The following SERPINA11 variants were observed in gnomAD, a reference collection of about 807,000 sequenced individuals.
SERPINA11 encodes serpin family A member 11.
Under a neutral mutation model 29.4 loss-of-function variants are expected in SERPINA11, and 28 were observed. That is an observed-to-expected ratio of 0.95 (90% confidence interval 0.70 to 1.30). The LOEUF is 1.30. SERPINA11 is among the 50% of genes most tolerant of loss of function. SERPINA11 has a pLI of 0.00. For missense variants in SERPINA11, 530 were observed against 507.3 expected (o/e 1.04, Z -0.43); for synonymous variants, 253 against 206.6 (o/e 1.22, Z -1.92).
chr14:94,446,301 C>A, intron 3 of SERPINA11, 30 bp downstream of exon 3: 2 of 1,594,804 alleles, frequency 1.3e-6, no homozygotes, highest in South Asian at 2.3e-5. Context: ...TGAGCAAGGT[C>A]AGCCAGCATC....
intron 1 of SERPINA11, among the ~76,000 whole-genome samples, chr14:94,449,157 G>T (rs951788458): frequency 6.6e-6 from 1 of 152,002 alleles, no homozygotes; most frequent in African/African-American, 2.4e-5. Flanking sequence ...TTGAGACCAG[G>T]CTGGGCAACA....
intron 3 of SERPINA11, among the ~76,000 whole-genome samples, chr14:94,444,577 T>C (rs1898402609): frequency 6.6e-6 from 1 of 152,138 alleles, no homozygotes; most frequent in South Asian, 2.1e-4. Context: ...AGCCAGGGAC[T>C]ATGGGGCTGA....
In SERPINA11 at chr14:94,448,892, G is replaced by A. The variant is rs150560823; in HGVS notation, c.-3-115C>T. The A allele has an allele frequency of 8.9e-4, 839 of 947,260 alleles. 7 individuals are homozygous for A. The East Asian group carries it at 0.02, about 22-fold the overall frequency. The allele number at this position is 947,260 out of a possible 1,614,324, so 58.7% of individuals were successfully genotyped here. On this transcript the variant is annotated intron_variant, in intron 1 of 4. Transcript: ENST00000334708. Reference sequence around the variant, plus strand: ...GTGCCCCACAGGGCTGCCATGAGGGGCACTGAAGAAGACAAGGCTGTGGAT... The same window carrying A: ...GTGCCCCACAGGGCTGCCATGAGGGACACTGAAGAAGACAAGGCTGTGGAT...
intron 3 of SERPINA11, among the ~76,000 whole-genome samples, chr14:94,444,156 C>T (rs529146410): frequency 7.3e-4 from 111 of 152,222 alleles, no homozygotes; most frequent in Non-Finnish European, 9.6e-4. Context: ...GCAAGACCCG[C>T]GCCAGTTGGC....
Position 94,442,666 on chromosome 14 carries a change from C to A in SERPINA11, c.1209G>T (p.Trp403Cys). The A allele has an allele frequency of 1.2e-6, 2 of 1,612,800 alleles. No individual in the cohort carries two copies. Among genetic ancestry groups the A allele is most frequent in the Non-Finnish European group, 1.7e-6 (2 of 1,179,496 alleles). The part of the protein sequence containing the change: ...HFNRPFLLLL[W>C]EVTTQSLLFL... ...AGAGTAAGCTCTGGGTGGTGACCTC[C>A]CAAAGGAGCAAGAGGAAAGGCCTGT... The change falls in exon 5 of 5, where the codon TGG (tryptophan) becomes TGT (cysteine). Residue 403 changes from tryptophan to cysteine, a missense_variant. Transcript: ENST00000334708.
Position 94,446,404 on chromosome 14 carries a change from C to G in SERPINA11, c.844G>C (p.Gly282Arg), listed in dbSNP as rs1473553901. 1.9e-6 allele frequency: 3 copies of G among 1,614,148 alleles called. No homozygotes were observed. The highest frequency in any genetic ancestry group is 4.5e-5 in the East Asian group (2 of 44,880). Residue 282 changes from glycine to arginine, a missense_variant, in exon 3 of 5, where the codon GGG becomes CGG. Physicochemically the swap from Gly to Arg is moderately radical, Grantham distance 125. Transcript: ENST00000334708. The stretch of plus-strand genomic sequence containing the variant: ...GCAGCCTCCACCTGCTTCATTTTCC[C>G]CGGGTCAGGGAGGACCAGCAGCGCC... ...ALALLVLPDP[G>R]KMKQVEAALQ...
intron 2 of SERPINA11, 115 bp from the exon 3 acceptor site, chr14:94,446,719 G>A: frequency 3.8e-6 from 4 of 1,060,874 alleles, no homozygotes; most frequent in Non-Finnish European, 2.7e-6. Flanking sequence ...CAAAAAATGT[G>A]GAATGGTTAC....
At chr14:94,449,114 G>C (rs963190129) in intron 1 of SERPINA11, among the ~76,000 whole-genome samples, 1 of 152,224 alleles carries the variant, frequency 6.6e-6, no homozygotes, top group Non-Finnish European at 1.5e-5. Context: ...AGTTTGGGAG[G>C]CTGAGGTGGG....
chr14:94,443,171 T>A lies in SERPINA11; in HGVS notation c.972A>T (p.Glu324Asp), dbSNP rs1208670765. 3 of 1,614,070 alleles carry A rather than the reference T, an allele frequency of 1.9e-6. No homozygotes were observed. Among genetic ancestry groups the A allele is most frequent in the Non-Finnish European group, 2.5e-6 (3 of 1,179,948 alleles). ...TGAGACCAATTTGGGGAAGTATGTC[T>A]TCCAGGTTATATGTTCCAGAAATTG... ...RFSISGTYNL[E>D]DILPQIGLTN... The change falls in exon 4 of 5, where the codon GAA becomes GAT. Residue 324 changes from glutamate to aspartate, a missense_variant. Coordinates refer to ENST00000334708, the MANE Select transcript of SERPINA11 (RefSeq NM_001080451.2).
chr14:94,445,892 T>A (rs1294038157), intron 3 of SERPINA11, among the ~76,000 whole-genome samples: 1 of 152,220 alleles, frequency 6.6e-6, no homozygotes, highest in Non-Finnish European at 1.5e-5. Context: ...TATTTTTCAC[T>A]GTCTCTGATC....
chr14:94,451,865 A>G (rs1275551518), intron 1 of SERPINA11, among the ~76,000 whole-genome samples: 1 of 152,232 alleles, frequency 6.6e-6, no homozygotes, highest in Admixed American at 6.5e-5. Flanking sequence ...AATGATGCCC[A>G]ATTCATTTCT....
chr14:94,451,465 A>G (rs1180649018), intron 1 of SERPINA11, among the ~76,000 whole-genome samples: 1 of 152,186 alleles, frequency 6.6e-6, no homozygotes, highest in African/African-American at 2.4e-5. Flanking sequence ...GATGCAAATC[A>G]ATTTAAAAAT....
chr14:94,448,375 CGAG>C lies in SERPINA11; in HGVS notation c.397_399del (p.Leu133del), dbSNP rs1380306919. On this transcript the variant is annotated inframe_deletion, in exon 2 of 5. Transcript: ENST00000334708. ...AACAGGGAGTTTCCTACTTTTAGTT[CGAG>C]TTTGGGGCTGGGCAGGGCAAGGGTG... 1.2e-6 allele frequency: 2 copies of C among 1,614,022 alleles called. No homozygotes were observed. Among genetic ancestry groups the C allele is most frequent in the Admixed American group, 3.3e-5 (2 of 59,992 alleles).
At chr14:94,446,251 G>T (rs1898435065) in intron 3 of SERPINA11, 80 bp downstream of exon 3, 1 of 1,288,992 alleles carries the variant, frequency 7.8e-7, no homozygotes, top group African/African-American at 1.5e-5. Context: ...TGGATGTTGG[G>T]CTTTTGCAGC....
chr14:94,444,419 G>T (rs180888284), intron 3 of SERPINA11, among the ~76,000 whole-genome samples: 188 of 152,288 alleles, frequency 1.2e-3, no homozygotes, highest in Non-Finnish European at 2.0e-3. Context: ...CTGAGATTTA[G>T]AGGAGTAACT....
intron 2 of SERPINA11, among the ~76,000 whole-genome samples, chr14:94,447,496 TC>T (rs1316031509): frequency 6.6e-6 from 1 of 152,164 alleles, no homozygotes; most frequent in East Asian, 1.9e-4. Context: ...CTTTCTCCCT[TC>T]CAAACCACCT....
At chr14:94,452,621 A>ACACT (rs1256927020) in intron 1 of SERPINA11, 108 bp downstream of exon 1, 1 of 149,660 alleles carries the variant, frequency 6.7e-6, no homozygotes, top group African/African-American at 2.5e-5. Flanking sequence ...ACACACACAC[A>ACACT]CACACACACA....
Position 94,443,207 on chromosome 14 carries a change from C to T in SERPINA11, c.936G>A (p.Leu312=). ...LLLPSLLDLH[L]PRFSISGTYN... ...ATGTTCCAGAAATTGAAAACCTTGG[C>T]AAGTGCAAATCCAACAGACTGGAGA... Residue 312 remains leucine, a synonymous_variant, in exon 4 of 5, where the codon TTG becomes TTA. Transcript: ENST00000334708. The T allele has an allele frequency of 6.2e-7, 1 of 1,613,470 alleles. No homozygotes were observed. The highest frequency in any genetic ancestry group is 1.3e-5 in the African/African-American group (1 of 75,006).
chr14:94,449,479 T>TTCTG lies in SERPINA11; in HGVS notation c.-3-706_-3-703dup, dbSNP rs74659285. ...TTTCTTTCTTTCTTTCTTTCTTTCT[T>TTCTG]TCTGTCTGTCTGTCTTTCTTTCTCT... is the stretch of plus-strand genomic sequence containing the variant. On this transcript the variant is annotated intron_variant, in intron 1 of 4. Coordinates refer to ENST00000334708, the MANE Select transcript of SERPINA11 (RefSeq NM_001080451.2). Among the ~76,000 whole-genome samples, 87 of 84,818 alleles carry TTCTG rather than the reference T, an allele frequency of 1.0e-3. 1 individual carries two copies. The highest frequency in any genetic ancestry group is 1.6e-3 in the African/African-American group (22 of 13,972). The allele number at this position is 84,818 out of a possible 152,430, so 55.6% of individuals were successfully genotyped here. A position where few individuals can be genotyped will look rare whatever the true frequency, so the allele number is the denominator to read the frequency against.
Sources: allele counts gnomAD v4.1 joint callset (sites outside exome capture counted in the v4.1 genomes callset), GRCh38; gene constraint gnomAD v4.1.1; transcripts MANE v1.5; gene names NCBI Gene and HGNC (gene_info 2026-07-23, HGNC 2026-07-21).